The following ZFHX3 variants were observed in gnomAD, a reference collection of about 807,000 sequenced individuals.
The protein encoded by ZFHX3 is zinc finger homeobox 3.
ZFHX3 carries 42 observed loss-of-function variants against 279.1 expected under a neutral mutation model. That is an observed-to-expected ratio of 0.15 (90% CI 0.12 to 0.19). The LOEUF is 0.19. ZFHX3 is among the 10% of genes least tolerant of loss of function. The probability of loss-of-function intolerance (pLI) is 1.00; values close to 1 mark genes in which losing one functional copy is unlikely to be tolerated. For missense variants in ZFHX3, 4,981 were observed against 4,754.0 expected (o/e 1.05, Z -1.40); for synonymous variants, 2,293 against 1,957.8 (o/e 1.17, Z -4.52).
intron 4 of ZFHX3, among the ~76,000 whole-genome samples, chr16:73,282,064 G>A (rs760224381): frequency 9.9e-5 from 15 of 152,190 alleles, no homozygotes; most frequent in Non-Finnish European, 2.2e-4. Flanking sequence ...TGAAGTCCGC[G>A]AATTGTGTGT....
At chr16:73,157,433 G>A (rs1967116808) in intron 5 of ZFHX3, among the ~76,000 whole-genome samples, 1 of 130,604 alleles carries the variant, frequency 7.7e-6, no homozygotes, top group Non-Finnish European at 1.5e-5. Flanking sequence ...TCAATGTGGA[G>A]AAATTGTCCT....
chr16:73,835,367 C>A (rs971633368), intron 1 of ZFHX3, among the ~76,000 whole-genome samples: 1 of 151,156 alleles, frequency 6.6e-6, no homozygotes, highest in African/African-American at 2.4e-5. Context: ...TTTCTTTCCC[C>A]TTTTCCCACC....
chr16:73,224,371 C>T (rs1036500342), intron 5 of ZFHX3, among the ~76,000 whole-genome samples: 108 of 152,320 alleles, frequency 7.1e-4, no homozygotes, highest in African/African-American at 2.5e-3. Flanking sequence ...GATTTAGCAT[C>T]ACAATGTACA....
intron 5 of ZFHX3, among the ~76,000 whole-genome samples, chr16:73,197,793 T>G (rs1968181795): frequency 6.6e-6 from 1 of 152,110 alleles, no homozygotes; most frequent in Admixed American, 6.5e-5. Flanking sequence ...TTGGTTCAAA[T>G]CCCAGTGCTT....
chr16:73,381,845 G>A (rs2016822954), intron 3 of ZFHX3, among the ~76,000 whole-genome samples: 1 of 152,164 alleles, frequency 6.6e-6, no homozygotes, highest in Non-Finnish European at 1.5e-5. Flanking sequence ...TTTGTGACAG[G>A]CCGCATTCAA....
At chr16:73,515,943 T>C (rs1030359942) in intron 2 of ZFHX3, among the ~76,000 whole-genome samples, 2 of 152,190 alleles carry the variant, frequency 1.3e-5, no homozygotes, top group Non-Finnish European at 2.9e-5. Context: ...TGCAAACACA[T>C]TGTTTCCATT....
At chr16:73,702,407 T>G (rs1483454600) in intron 1 of ZFHX3, among the ~76,000 whole-genome samples, 1 of 152,160 alleles carries the variant, frequency 6.6e-6, no homozygotes, top group South Asian at 2.1e-4. Context: ...GTTTCAGAAC[T>G]GTGATGAGTG....
chr16:73,725,540 A>ATT (rs1555535256), intron 1 of ZFHX3, among the ~76,000 whole-genome samples: 3 of 148,254 alleles, frequency 2.0e-5, no homozygotes, highest in African/African-American at 7.5e-5. Flanking sequence ...AGTGTGAGTG[A>ATT]GTGTGTGTGT....
At chr16:73,821,188 G>A (rs1960730314) in intron 1 of ZFHX3, among the ~76,000 whole-genome samples, 1 of 152,180 alleles carries the variant, frequency 6.6e-6, no homozygotes, top group Non-Finnish European at 1.5e-5. Flanking sequence ...TCTGTAAAAT[G>A]TTATACTCAG....
intron 1 of ZFHX3, among the ~76,000 whole-genome samples, chr16:73,719,029 T>C (rs902054344): frequency 6.6e-6 from 1 of 152,248 alleles, no homozygotes; most frequent in Non-Finnish European, 1.5e-5. Flanking sequence ...GGCTGCCTGA[T>C]TCTTTGTCAC....
At chr16:73,278,481 T>C (rs1290568196) in intron 4 of ZFHX3, among the ~76,000 whole-genome samples, 2 of 152,154 alleles carry the variant, frequency 1.3e-5, no homozygotes, top group South Asian at 4.1e-4. Context: ...TGTCAACAGC[T>C]CTAAAGATGG....
chr16:73,013,262 G>C lies in ZFHX3; in HGVS notation c.-50+34490C>G, dbSNP rs542955786. On this transcript the variant is annotated intron_variant, in intron 1 of 9. Transcript: ENST00000268489. ...CAACACTTGGATTCTTTCTTTACAG[G>C]GACCCATGTGAAAACTCTTTATTTT... is the stretch of plus-strand genomic sequence containing the variant. Among the ~76,000 whole-genome samples the C allele has an allele frequency of 1.9e-3, 286 of 152,138 alleles. 1 individual carries two copies. Among genetic ancestry groups the C allele is most frequent in the African/African-American group, 6.5e-3 (270 of 41,522 alleles).
At chr16:72,854,032 T>C (rs184137997) in intron 4 of ZFHX3, among the ~76,000 whole-genome samples, 1 of 152,146 alleles carries the variant, frequency 6.6e-6, no homozygotes, top group Non-Finnish European at 1.5e-5. Context: ...AAATAGTGTA[T>C]GCAGCAGGGA....
chr16:73,495,010 C>T (rs1415892711), intron 2 of ZFHX3, among the ~76,000 whole-genome samples: 1 of 152,160 alleles, frequency 6.6e-6, no homozygotes, highest in African/African-American at 2.4e-5. Context: ...ATCGTTTCTG[C>T]ATTTGCCCTG....
At chr16:73,537,314 C>CTTTTTTT (rs3051948) in intron 2 of ZFHX3, among the ~76,000 whole-genome samples, 7 of 77,600 alleles carry the variant, frequency 9.0e-5, no homozygotes, top group Non-Finnish European at 1.0e-4. Context: ...CTTTCTTCTT[C>CTTTTTTT]TTTTTTTTTT....
chr16:73,806,846 A>C (rs1318894254), intron 1 of ZFHX3, among the ~76,000 whole-genome samples: 1 of 152,118 alleles, frequency 6.6e-6, no homozygotes, highest in African/African-American at 2.4e-5. Flanking sequence ...CACTGCCCTG[A>C]CCCTTTTGGG....
intron 4 of ZFHX3, among the ~76,000 whole-genome samples, chr16:72,863,479 C>T (rs555855396): frequency 6.6e-6 from 1 of 151,766 alleles, no homozygotes; most frequent in East Asian, 1.9e-4. Flanking sequence ...GATCGCGCTA[C>T]TGCACTCCAA....
chr16:73,412,680 G>C (rs889438914), intron 3 of ZFHX3, among the ~76,000 whole-genome samples: 3 of 152,212 alleles, frequency 2.0e-5, no homozygotes, highest in African/African-American at 7.2e-5. Context: ...CACATTACAA[G>C]TTAAATAGGC....
intron 3 of ZFHX3, among the ~76,000 whole-genome samples, chr16:72,935,538 C>T (rs947428959): frequency 1.3e-5 from 2 of 151,992 alleles, no homozygotes; most frequent in African/African-American, 2.4e-5. Context: ...GTCAGGAGTT[C>T]GAGACCAGAC....
Sources: gnomAD v4.1 joint callset for allele counts (sites outside exome capture counted in the v4.1 genomes callset) on GRCh38, gnomAD v4.1.1 for gene constraint, MANE v1.5 for transcripts, NCBI Gene and HGNC (gene_info 2026-07-23, HGNC 2026-07-21) for gene names.